The following LRMDA variants were observed in gnomAD, a reference collection of about 807,000 sequenced individuals.
LRMDA encodes the protein leucine-rich melanocyte differentiation-associated protein.
In LRMDA, 18 loss-of-function variants were observed where a neutral mutation model predicts 29.8. The ratio of observed to expected loss-of-function variants is 0.60; its 90% CI spans 0.42 to 0.90. LRMDA has a LOEUF of 0.90. Among genes scored for constraint, LRMDA ranks in the 40% least tolerant of loss-of-function variants. The pLI is 0.00. For missense variants in LRMDA, 273 were observed against 273.9 expected (o/e 1.00, Z 0.02); for synonymous variants, 125 against 109.4 (o/e 1.14, Z -0.89).
At chr10:75,930,296 T>C (rs1035879270) in intron 2 of LRMDA, among the ~76,000 whole-genome samples, 1 of 152,120 alleles carries the variant, frequency 6.6e-6, no homozygotes, top group African/African-American at 2.4e-5. Context: ...AGCTGTTTTC[T>C]GTGTTGAGCT....
chr10:76,093,077 G>GA (rs1849256269), intron 5 of LRMDA, among the ~76,000 whole-genome samples: 2 of 151,992 alleles, frequency 1.3e-5, no homozygotes, highest in African/African-American at 4.8e-5. Context: ...TGCTCTTGTT[G>GA]CCCAGGCTGG....
At chr10:76,314,670 A>C (rs957353121) in intron 5 of LRMDA, among the ~76,000 whole-genome samples, 7 of 152,228 alleles carry the variant, frequency 4.6e-5, no homozygotes, top group African/African-American at 1.7e-4. Flanking sequence ...TTGTTAAATA[A>C]GGTAATTTAT....
chr10:76,166,460 C>T (rs1850742228), intron 5 of LRMDA, among the ~76,000 whole-genome samples: 1 of 152,114 alleles, frequency 6.6e-6, no homozygotes, highest in South Asian at 2.1e-4. Context: ...TGATCCTCTC[C>T]CTCCTCTCAA....
intron 2 of LRMDA, among the ~76,000 whole-genome samples, chr10:75,700,413 A>G (rs1260638773): frequency 1.3e-5 from 2 of 151,960 alleles, no homozygotes; most frequent in Middle Eastern, 3.4e-3. Flanking sequence ...AATTGCCTAT[A>G]AAATCTTTAT....
chr10:75,446,504 T>C (rs1844398883), intron 2 of LRMDA, among the ~76,000 whole-genome samples: 1 of 152,236 alleles, frequency 6.6e-6, no homozygotes, highest in Non-Finnish European at 1.5e-5. Flanking sequence ...CAGCGTTCTT[T>C]GGTATGAACA....
At chr10:76,443,162 G>C (rs1230525694) in intron 6 of LRMDA, among the ~76,000 whole-genome samples, 1 of 152,152 alleles carries the variant, frequency 6.6e-6, no homozygotes. Flanking sequence ...CCTGGTACCT[G>C]AACTTAGATC....
At chr10:75,980,237 C>T (rs1016720905) in intron 2 of LRMDA, among the ~76,000 whole-genome samples, 21 of 152,148 alleles carry the variant, frequency 1.4e-4, no homozygotes, top group African/African-American at 5.1e-4. Flanking sequence ...TTTTTAATTG[C>T]TGTATCATAG....
intron 2 of LRMDA, among the ~76,000 whole-genome samples, chr10:75,915,686 C>G (rs1000601565): frequency 6.6e-6 from 1 of 152,178 alleles, no homozygotes; most frequent in Non-Finnish European, 1.5e-5. Context: ...AAGCTCTGAA[C>G]TAGGCTACTT....
Position 76,376,943 on chromosome 10 carries a change from T to C in LRMDA, c.601+52458T>C, listed in dbSNP as rs538409383. 5.4e-5 allele frequency among the ~76,000 whole-genome samples: 7 copies of C among 130,444 alleles called. No individual in the cohort carries two copies. The East Asian group carries it at 1.8e-3, about 33-fold the overall frequency. The allele number at this position is 130,444 out of a possible 152,430, so 85.6% of individuals were successfully genotyped here. ...CTCTGTTGCCCAGGCTGGAGTGCAA[T>C]GGCGCGATCTCCGCTCACTGGAAGC... On this transcript the variant is annotated intron_variant, in intron 6 of 6. Coordinates refer to ENST00000611255, the MANE Select transcript of LRMDA (RefSeq NM_001305581.2).
At chr10:76,417,549 T>C (rs2132516276) in intron 6 of LRMDA, among the ~76,000 whole-genome samples, 1 of 152,212 alleles carries the variant, frequency 6.6e-6, no homozygotes, top group African/African-American at 2.4e-5. Flanking sequence ...TACTTCTTCC[T>C]CCATAAAGGT....
intron 2 of LRMDA, among the ~76,000 whole-genome samples, chr10:75,897,981 C>T (rs1845612456): frequency 6.6e-6 from 1 of 151,988 alleles, no homozygotes; most frequent in Non-Finnish European, 1.5e-5. Context: ...ACCACCACGC[C>T]TGGCTAATTT....
intron 4 of LRMDA, among the ~76,000 whole-genome samples, chr10:76,055,317 A>G (rs1564640636): frequency 6.6e-6 from 1 of 151,866 alleles, no homozygotes; most frequent in South Asian, 2.1e-4. Context: ...AGAATTTCAT[A>G]ATATTTTGAC....
intron 5 of LRMDA, among the ~76,000 whole-genome samples, chr10:76,312,591 A>G (rs1457764852): frequency 2.0e-5 from 3 of 152,100 alleles, no homozygotes; most frequent in African/African-American, 7.2e-5. Flanking sequence ...ACATAATATC[A>G]TTTTTAAGAC....
chr10:76,330,142 C>T (rs1035450994), intron 6 of LRMDA, among the ~76,000 whole-genome samples: 5 of 152,094 alleles, frequency 3.3e-5, no homozygotes, highest in Admixed American at 6.5e-5. Flanking sequence ...TTATAGGATT[C>T]GGAGGTGCAG....
At chr10:75,825,930 T>A (rs1277783742) in intron 2 of LRMDA, among the ~76,000 whole-genome samples, 1 of 152,196 alleles carries the variant, frequency 6.6e-6, no homozygotes, top group Non-Finnish European at 1.5e-5. Flanking sequence ...AGCGGCTGCA[T>A]GTGGAACGTC....
intron 2 of LRMDA, among the ~76,000 whole-genome samples, chr10:75,740,206 T>C (rs1239928371): frequency 6.6e-6 from 1 of 152,230 alleles, no homozygotes; most frequent in Non-Finnish European, 1.5e-5. Context: ...GCCATCGACA[T>C]CAATTTCCCC....
intron 2 of LRMDA, among the ~76,000 whole-genome samples, chr10:75,475,432 A>C (rs935642550): frequency 2.6e-5 from 4 of 152,098 alleles, no homozygotes; most frequent in African/African-American, 9.7e-5. Flanking sequence ...TCCCTGCTCC[A>C]ATTTTCCTAA....
chr10:75,467,724 A>C (rs1234582273), intron 2 of LRMDA, among the ~76,000 whole-genome samples: 1 of 152,104 alleles, frequency 6.6e-6, no homozygotes, highest in Non-Finnish European at 1.5e-5. Flanking sequence ...GCACTTTGGG[A>C]GGCCGAGGTG....
chr10:76,362,139 A>G (rs1841320513), intron 6 of LRMDA, among the ~76,000 whole-genome samples: 1 of 152,212 alleles, frequency 6.6e-6, no homozygotes, highest in Non-Finnish European at 1.5e-5. Flanking sequence ...TAGCCTCTCA[A>G]AAACACCTTT....
Sources: gnomAD v4.1 joint callset for allele counts (sites outside exome capture counted in the v4.1 genomes callset) on GRCh38, gnomAD v4.1.1 for gene constraint, MANE v1.5 for transcripts, NCBI Gene and HGNC (gene_info 2026-07-23, HGNC 2026-07-21) for gene names.